The following CD44 variants were observed in gnomAD, a reference collection of about 807,000 sequenced individuals.
CD44 encodes the protein CD44 molecule (IN blood group).
A neutral mutation model predicts 88.8 loss-of-function variants in CD44; 49 were observed. The observed-to-expected ratio is 0.55, with a 90% CI of 0.44 to 0.70. The LOEUF (loss-of-function observed/expected upper bound fraction) is 0.70. Among genes scored for constraint, CD44 ranks in the 30% least tolerant of loss-of-function variants. The pLI, the probability that CD44 is intolerant of heterozygous loss-of-function variation, is 0.00. For synonymous variants in CD44, 325 were observed against 312.3 expected (o/e 1.04, Z -0.43); for missense variants, 883 against 913.8 (o/e 0.97, Z 0.43).
At chr11:35,171,161 G>A (rs1316333309) in intron 1 of CD44, among the ~76,000 whole-genome samples, 1 of 152,188 alleles carries the variant, frequency 6.6e-6, no homozygotes, top group Non-Finnish European at 1.5e-5. Flanking sequence ...ATTTGGGTTT[G>A]CGTTAGTATC....
chr11:35,222,613 ATATACACATACAT>A, intron 17 of CD44: 8 of 637,176 alleles, frequency 1.3e-5, no homozygotes, highest in African/African-American at 2.0e-5. Context: ...ATATATATAT[ATATACACATACAT>A]TATATATACA....
chr11:35,195,514 A>G (rs181405849), intron 5 of CD44, among the ~76,000 whole-genome samples: 40 of 152,168 alleles, frequency 2.6e-4, no homozygotes, highest in African/African-American at 9.6e-4. Flanking sequence ...GTGAAGGAAA[A>G]GGTCTTTTTG....
chr11:35,214,443 T>G (rs1429799423), intron 14 of CD44, among the ~76,000 whole-genome samples: 1 of 152,210 alleles, frequency 6.6e-6, no homozygotes, highest in Non-Finnish European at 1.5e-5. Context: ...GTGATTATGT[T>G]TCTCATAATC....
chr11:35,155,811 C>CA (rs1159156982), intron 1 of CD44, among the ~76,000 whole-genome samples: 3 of 152,092 alleles, frequency 2.0e-5, no homozygotes, highest in African/African-American at 7.2e-5. Flanking sequence ...AGATGATGAC[C>CA]CTCAAGGGAA....
At chr11:35,157,309 A>ACCTG in intron 1 of CD44, among the ~76,000 whole-genome samples, 1 of 138,894 alleles carries the variant, frequency 7.2e-6, no homozygotes, top group Non-Finnish European at 1.6e-5. Flanking sequence ...CTATCCATCT[A>ACCTG]TCTGTCTGTC....
In CD44 at chr11:35,211,248, A is replaced by G. The variant is rs1427945842; in HGVS notation, c.1609A>G (p.Arg537Gly). The G allele has an allele frequency of 1.9e-6, 3 of 1,612,118 alleles. No homozygotes were observed. In the South Asian group the frequency reaches 3.3e-5, roughly 18 times the overall value. The change falls in exon 14 of 18, where the codon AGG becomes GGG. Residue 537 changes from arginine (R) to glycine (G), a missense_variant and splice_region_variant. Around this residue, in one of 2 missense-constraint regions of CD44, gnomAD observed 631 missense variants for 590.9 expected, o/e 1.07. Coordinates refer to ENST00000428726, the MANE Select transcript of CD44 (RefSeq NM_000610.4). ...TCACTGATTCCACCTCCACACAGAT[A>G]GGAATGATGTCACAGGTGGAAGAAG... is the stretch of plus-strand genomic sequence containing the variant. ...PTTSTLTSSNRNDVTGGRRDP... is the reference protein window; with the variant it reads ...PTTSTLTSSNGNDVTGGRRDP...
chr11:35,163,135 C>T (rs567067727), intron 1 of CD44, among the ~76,000 whole-genome samples: 3 of 152,082 alleles, frequency 2.0e-5, no homozygotes, highest in Admixed American at 6.5e-5. Context: ...GGCAAGATAA[C>T]CTAAAGGCAT....
chr11:35,176,408 C>T (rs561166551), intron 1 of CD44, among the ~76,000 whole-genome samples, 167 bp from the exon 2 acceptor site: 21 of 150,822 alleles, frequency 1.4e-4, no homozygotes, highest in African/African-American at 4.1e-4. Context: ...GAGCTCCTGA[C>T]CTCAGGTGAT....
At chr11:35,222,599 A>ATG in intron 17 of CD44, 1 of 213,658 alleles carries the variant, frequency 4.7e-6, no homozygotes, top group Non-Finnish European at 6.2e-6. Flanking sequence ...TTTATATATA[A>ATG]TATATATATA....
At chr11:35,221,853 T>C in intron 17 of CD44, 121 bp downstream of exon 17, 1 of 887,618 alleles carries the variant, frequency 1.1e-6, no homozygotes. Flanking sequence ...TGGGAGTTTG[T>C]TGGAAATGCA....
chr11:35,219,032 A>G (rs1949074741), intron 15 of CD44: 2 of 375,526 alleles, frequency 5.3e-6, no homozygotes, highest in Non-Finnish European at 1.0e-5. Flanking sequence ...ACTTAAATCC[A>G]GGGTTGTCCA....
chr11:35,224,570 CTA>C (rs1485998724), intron 17 of CD44, among the ~76,000 whole-genome samples: 1 of 152,098 alleles, frequency 6.6e-6, no homozygotes, highest in Non-Finnish European at 1.5e-5. Context: ...AACCCCATCT[CTA>C]CAAAAAACAC....
In CD44 at chr11:35,199,840, G is replaced by A. The variant is rs530730121; in HGVS notation, c.923-1242G>A. Among the ~76,000 whole-genome samples the A allele has an allele frequency of 2.0e-5, 3 of 150,652 alleles. No homozygotes were observed. The South Asian group carries it at 6.3e-4, about 32-fold the overall frequency. ...TCAGTAAATACGTGGTCTTGATACT[G>A]AAGAAATTAAATTCCCTTGGGTGGT... On this transcript the variant is annotated intron_variant, in intron 7 of 17. Transcript: ENST00000428726.
chr11:35,192,667 C>T (rs921422603), intron 5 of CD44, among the ~76,000 whole-genome samples: 1 of 152,144 alleles, frequency 6.6e-6, no homozygotes, highest in Non-Finnish European at 1.5e-5. Flanking sequence ...TGAGTGTCAT[C>T]AGCCTCTTCC....
In CD44 at chr11:35,224,743, GCAAACAAACAAA is replaced by G. The variant is rs370943848; in HGVS notation, c.2024+3020_2024+3031del. ...GTGAGACCCTGTCTCAAACAAACAA[GCAAACAAACAAA>G]CAAACAAAAACCTATCTTATTTGTC... is the stretch of plus-strand genomic sequence containing the variant. On this transcript the variant is annotated intron_variant, in intron 17 of 17. Coordinates refer to ENST00000428726, the MANE Select transcript of CD44 (RefSeq NM_000610.4). Among the ~76,000 whole-genome samples the G allele has an allele frequency of 5.3e-4, 80 of 151,988 alleles. No homozygotes were observed. In the South Asian group the frequency reaches 5.4e-3, roughly 10 times the overall value.
At chr11:35,180,727 C>T (rs1282930718) in intron 3 of CD44, among the ~76,000 whole-genome samples, 1 of 152,136 alleles carries the variant, frequency 6.6e-6, no homozygotes, top group East Asian at 1.9e-4. Context: ...AAAACACAAA[C>T]AAAAATCACA....
intron 17 of CD44, among the ~76,000 whole-genome samples, chr11:35,227,805 G>A (rs1412943638): frequency 6.6e-6 from 1 of 152,306 alleles, no homozygotes; most frequent in East Asian, 1.9e-4. Context: ...CAGAGGGCTG[G>A]CAGCATTGAC....
intron 9 of CD44, among the ~76,000 whole-genome samples, chr11:35,203,877 A>C (rs1947557199): frequency 6.6e-6 from 1 of 152,220 alleles, no homozygotes; most frequent in African/African-American, 2.4e-5. Flanking sequence ...TAATGCCTCA[A>C]ACTGGCTTGG....
At position 35,176,660 on chromosome 11, in the gene CD44, C is replaced by A; in HGVS notation, c.153C>A (p.Asp51Glu). ...GCATCTCTCGGACGGAGGCCGCTGA[C>A]CTCTGCAAGGCTTTCAATAGCACCT... is the stretch of plus-strand genomic sequence containing the variant. The part of the protein sequence containing the change: ...RYSISRTEAA[D>E]LCKAFNSTLP... Residue 51 changes from aspartate to glutamate, a missense_variant, in exon 2 of 18, where the codon GAC becomes GAA. Transcript: ENST00000428726. 2 of 1,614,176 alleles carry A rather than the reference C, an allele frequency of 1.2e-6. No individual in the cohort carries two copies. Among genetic ancestry groups the A allele is most frequent in the Non-Finnish European group, 1.7e-6 (2 of 1,179,990 alleles).
Sources: allele counts gnomAD v4.1 joint callset (sites outside exome capture counted in the v4.1 genomes callset), GRCh38; gene constraint gnomAD v4.1.1; regional missense constraint gnomAD v4.1.1; transcripts MANE v1.5; gene names NCBI Gene and HGNC (gene_info 2026-07-23, HGNC 2026-07-21).